The following STRBP variants were observed in gnomAD, a reference collection of about 807,000 sequenced individuals.
STRBP encodes the protein spermatid perinuclear RNA-binding protein.
Under a neutral mutation model 80.1 loss-of-function variants are expected in STRBP, and 13 were observed. The ratio of observed to expected loss-of-function variants is 0.16; its 90% CI spans 0.11 to 0.26. The LOEUF (loss-of-function observed/expected upper bound fraction) is 0.26. Ranked by LOEUF, STRBP falls within the 10% of genes least tolerant of loss-of-function variation. The pLI, the probability that STRBP is intolerant of heterozygous loss-of-function variation, is 1.00. For missense variants in STRBP, 485 were observed against 815.2 expected (o/e 0.59, Z 4.93); for synonymous variants, 284 against 291.2 (o/e 0.98, Z 0.25).
At chr9:123,160,534 TGAATACTAAGTA>T in intron 7 of STRBP, 72 bp from the exon 8 acceptor site, 1 of 1,187,252 alleles carries the variant, frequency 8.4e-7, no homozygotes, top group Non-Finnish European at 1.2e-6. Context: ...TTCTTTCAAG[TGAATACTAAGTA>T]GCAAATTATT....
In STRBP at chr9:123,179,198, A is replaced by T; in HGVS notation, c.33T>A (p.Asp11Glu). MRSIRSFANDDRHVMVKHSTI... is the reference protein window; with the variant it reads MRSIRSFANDERHVMVKHSTI... Reference sequence around the variant, plus strand: ...TTGAATGTTTCACCATAACATGGCGATCATCATTAGCAAAAGATCGAATAG... The same window carrying T: ...TTGAATGTTTCACCATAACATGGCGTTCATCATTAGCAAAAGATCGAATAG... Residue 11 changes from aspartate to glutamate, a missense_variant, in exon 4 of 19, where the codon GAT becomes GAA. Transcript: ENST00000348403. The T allele has an allele frequency of 6.2e-7, 1 of 1,609,802 alleles. No individual in the cohort carries two copies. Among genetic ancestry groups the T allele is most frequent in the Admixed American group, 1.7e-5 (1 of 59,978 alleles).
At chr9:123,236,348 T>G (rs1276160642) in intron 2 of STRBP, among the ~76,000 whole-genome samples, 1 of 152,212 alleles carries the variant, frequency 6.6e-6, no homozygotes, top group Non-Finnish European at 1.5e-5. Flanking sequence ...TCATTTTACA[T>G]GTCACTTTAC....
chr9:123,134,276 G>C (rs538598251), intron 16 of STRBP, among the ~76,000 whole-genome samples: 4 of 152,300 alleles, frequency 2.6e-5, no homozygotes, highest in African/African-American at 9.6e-5. Context: ...CGTACTCTAT[G>C]ATAAAGTCAA....
intron 2 of STRBP, among the ~76,000 whole-genome samples, chr9:123,226,555 G>A (rs2040242352): frequency 6.6e-6 from 1 of 152,100 alleles, no homozygotes; most frequent in Admixed American, 6.5e-5. Context: ...GGGAAACTAA[G>A]TTGTCCTTTT....
intron 11 of STRBP, among the ~76,000 whole-genome samples, chr9:123,149,174 C>G (rs2036949184): frequency 6.6e-6 from 1 of 152,094 alleles, no homozygotes; most frequent in African/African-American, 2.4e-5. Context: ...ATGAGATTAA[C>G]TATGTATTTT....
rs1026781989 is a variant in STRBP, at chr9:123,236,943, G to A, written c.-278C>T. On this transcript the variant is annotated 5_prime_UTR_variant, in exon 2 of 19. Coordinates refer to ENST00000348403, the MANE Select transcript of STRBP (RefSeq NM_018387.5). The stretch of plus-strand genomic sequence containing the variant: ...GCGTTCAGGAGTTCGAGACCAGCCA[G>A]GTCAACATGGCAAAACCCCGTCTCT... The A allele has an allele frequency of 1.3e-5, 2 of 152,136 alleles. No individual in the cohort carries two copies. Among genetic ancestry groups the A allele is most frequent in the African/African-American group, 2.4e-5 (1 of 41,386 alleles). 9.4% of individuals were successfully genotyped at this position (152,136 alleles called of 1,614,324 possible). A position where few individuals can be genotyped will look rare whatever the true frequency, so the allele number is the denominator to read the frequency against.
chr9:123,111,712 C>T (rs1372511702), intron 3 of STRBP: 2 of 417,160 alleles, frequency 4.8e-6, no homozygotes, highest in Non-Finnish European at 9.8e-6. Flanking sequence ...ACCCAGTGTC[C>T]ATCTGTGCCG....
chr9:123,258,327 G>T (rs1393306171), intron 1 of STRBP, among the ~76,000 whole-genome samples: 2 of 152,172 alleles, frequency 1.3e-5, no homozygotes. Flanking sequence ...AAGAGGATGG[G>T]AAAGGTTGGG....
At chr9:123,170,795 T>C (rs902730431) in intron 5 of STRBP, among the ~76,000 whole-genome samples, 17 of 152,266 alleles carry the variant, frequency 1.1e-4, no homozygotes, top group African/African-American at 4.1e-4. Flanking sequence ...TAATATATTA[T>C]TATACATTAA....
rs568260594 is a variant in STRBP, at chr9:123,210,527, A to G, written c.-164-26229T>C. On this transcript the variant is annotated intron_variant, in intron 2 of 18. Coordinates refer to ENST00000348403, the MANE Select transcript of STRBP (RefSeq NM_018387.5). ...CAAAACCAATAAAAATAGAAGAAAC[A>G]TTATTATAAAAAATGATCAAGCAGG... is the stretch of plus-strand genomic sequence containing the variant. 6.6e-5 allele frequency among the ~76,000 whole-genome samples: 10 copies of G among 152,266 alleles called. 2 individuals carry two copies. The highest frequency in any genetic ancestry group is 5.2e-4 in the Admixed American group (8 of 15,298).
chr9:123,244,069 G>A (rs1480573532), intron 1 of STRBP, among the ~76,000 whole-genome samples: 2 of 152,182 alleles, frequency 1.3e-5, no homozygotes, highest in African/African-American at 4.8e-5. Context: ...TATAATCACA[G>A]TTGAATACTG....
At chr9:123,216,660 G>A (rs2039907793) in intron 2 of STRBP, among the ~76,000 whole-genome samples, 2 of 152,176 alleles carry the variant, frequency 1.3e-5, no homozygotes, top group African/African-American at 4.8e-5. Context: ...TTTATTCTCA[G>A]ATAAAGGGAA....
chr9:123,213,088 A>G (rs1000234452), intron 2 of STRBP, among the ~76,000 whole-genome samples: 1 of 152,190 alleles, frequency 6.6e-6, no homozygotes, highest in Non-Finnish European at 1.5e-5. Flanking sequence ...CTGAAAAATA[A>G]TCATCACCCA....
intron 2 of STRBP, among the ~76,000 whole-genome samples, chr9:123,197,664 TTTC>T (rs1465012778): frequency 8.2e-6 from 1 of 122,184 alleles, no homozygotes; most frequent in East Asian, 2.3e-4. Context: ...GTGAAACATA[TTTC>T]TTTTTTTTTT....
chr9:123,228,385 C>A (rs1266387395), intron 2 of STRBP, among the ~76,000 whole-genome samples: 3 of 151,930 alleles, frequency 2.0e-5, no homozygotes, highest in Non-Finnish European at 4.4e-5. Flanking sequence ...ATGGACACGC[C>A]AATTTTTAAA....
chr9:123,144,211 AAAAGAAAG>A (rs1377270136), intron 13 of STRBP, among the ~76,000 whole-genome samples: 27 of 151,606 alleles, frequency 1.8e-4, no homozygotes, highest in Admixed American at 1.4e-3. Context: ...AAAAAAAAAA[AAAAGAAAG>A]AAAGAAAGAA....
At chr9:123,177,459 G>C (rs536319023) in intron 4 of STRBP, among the ~76,000 whole-genome samples, 142 of 152,128 alleles carry the variant, frequency 9.3e-4, no homozygotes, top group Non-Finnish European at 1.5e-3. Flanking sequence ...TATAGTCCTA[G>C]CTATTCAAGA....
At position 123,157,982 on chromosome 9, in the gene STRBP, C is replaced by T. The variant is rs199839705; in HGVS notation, c.1045+30G>A. On this transcript the variant is annotated intron_variant, in intron 11 of 18. Coordinates refer to ENST00000348403, the MANE Select transcript of STRBP (RefSeq NM_018387.5). ...TGATTATCTCTACCAGTGCCAACCCCCAACCCTAATAAAAAACTTCCATGC... is the reference window on the plus strand; with the variant it reads ...TGATTATCTCTACCAGTGCCAACCCTCAACCCTAATAAAAAACTTCCATGC... The T allele has an allele frequency of 2.2e-5, 34 of 1,531,948 alleles. No homozygotes were observed. In the South Asian group the frequency reaches 3.4e-4, roughly 15 times the overall value. 94.9% of individuals were successfully genotyped at this position (1,531,948 alleles called of 1,614,324 possible). A position where few individuals can be genotyped will look rare whatever the true frequency, so the allele number is the denominator to read the frequency against.
chr9:123,264,538 C>T (rs576466654), intron 1 of STRBP, among the ~76,000 whole-genome samples: 4 of 152,218 alleles, frequency 2.6e-5, no homozygotes, highest in Admixed American at 1.3e-4. Context: ...CCCGTATTTA[C>T]GTAGCTCCAG....
Sources: allele counts gnomAD v4.1 joint callset (sites outside exome capture counted in the v4.1 genomes callset), GRCh38; gene constraint gnomAD v4.1.1; transcripts MANE v1.5; gene names NCBI Gene and HGNC (gene_info 2026-07-23, HGNC 2026-07-21).